NDUFA10: variants seen among roughly 807,000 people sequenced by gnomAD.
The protein encoded by NDUFA10 is NADH dehydrogenase [ubiquinone] 1 alpha subcomplex subunit 10, mitochondrial.
In NDUFA10, 40 loss-of-function variants were observed where a neutral mutation model predicts 47.8. The observed-to-expected ratio is 0.84, with a 90% CI of 0.65 to 1.09. NDUFA10 has a LOEUF of 1.09. Among genes scored for constraint, NDUFA10 ranks in the 50% least tolerant of loss-of-function variants. The pLI is 0.00. For missense variants in NDUFA10, 413 were observed against 451.1 expected (o/e 0.92, Z 0.76); for synonymous variants, 183 against 172.2 (o/e 1.06, Z -0.49).
chr2:239,990,597 C>A (rs972981969), intron 8 of NDUFA10, among the ~76,000 whole-genome samples: 3 of 152,194 alleles, frequency 2.0e-5, no homozygotes, highest in African/African-American at 7.2e-5. Context: ...ATGAGTGGAT[C>A]TTGGGGCAGG....
intron 9 of NDUFA10, chr2:239,982,183 T>A: frequency 6.2e-7 from 1 of 1,612,888 alleles, no homozygotes; most frequent in Non-Finnish European, 8.5e-7. Context: ...CCCTCTCTTG[T>A]ACTCTGCACA....
intron 9 of NDUFA10, among the ~76,000 whole-genome samples, chr2:239,979,047 G>A (rs571850338): frequency 6.6e-6 from 1 of 152,256 alleles, no homozygotes; most frequent in East Asian, 1.9e-4. Flanking sequence ...CAGACACAGG[G>A]TGGGCGAGCC....
At chr2:239,954,816 T>TGGCGCTGC (rs1559310883), downstream of NDUFA10, among the ~76,000 whole-genome samples, 4 of 150,736 alleles carry the variant, frequency 2.7e-5, no homozygotes, top group African/African-American at 7.4e-5. Flanking sequence ...CCCAAGTGGG[T>TGGCGCTGC]TGGCAGGTGA....
chr2:239,936,431 C>T (rs550911025), intron 4 of NDUFA10, among the ~76,000 whole-genome samples: 4 of 152,308 alleles, frequency 2.6e-5, no homozygotes, highest in South Asian at 2.1e-4. Context: ...GACACTGAAA[C>T]GGTGGATACG....
chr2:239,921,805 C>T (rs192473705), intron 4 of NDUFA10, among the ~76,000 whole-genome samples: 67 of 152,290 alleles, frequency 4.4e-4, no homozygotes, highest in African/African-American at 1.3e-3. Context: ...CCAGGCTCAG[C>T]CAGATCTGGG....
intron 9 of NDUFA10, among the ~76,000 whole-genome samples, chr2:239,971,912 T>C (rs1445809231): frequency 1.3e-5 from 2 of 152,206 alleles, no homozygotes; most frequent in Non-Finnish European, 2.9e-5. Flanking sequence ...AGCATATATA[T>C]AGTAAAGGTA....
chr2:239,916,437 C>T (rs1190306223), intron 4 of NDUFA10, among the ~76,000 whole-genome samples: 1 of 152,040 alleles, frequency 6.6e-6, no homozygotes, highest in Non-Finnish European at 1.5e-5. Context: ...GACACAGACA[C>T]AGCCAGACAC....
intron 4 of NDUFA10, among the ~76,000 whole-genome samples, chr2:239,902,433 G>T (rs1693569830): frequency 6.6e-6 from 1 of 152,158 alleles, no homozygotes; most frequent in Non-Finnish European, 1.5e-5. Flanking sequence ...TTAAGGTGAG[G>T]TATGCACATT....
chr2:239,979,589 C>A (rs1695687784), intron 9 of NDUFA10, among the ~76,000 whole-genome samples: 1 of 122,672 alleles, frequency 8.2e-6, no homozygotes, highest in South Asian at 2.5e-4. Context: ...TGGGGGCTCT[C>A]GGGAAAAGAG....
intron 4 of NDUFA10, among the ~76,000 whole-genome samples, chr2:239,942,028 C>A (rs1694368122): frequency 1.3e-5 from 2 of 152,238 alleles, no homozygotes. Flanking sequence ...CAAATGGATT[C>A]TGCATATTGA....
At position 239,976,338 on chromosome 2, in the gene NDUFA10, T is replaced by C. The variant is rs115312480; in HGVS notation, c.999+13736A>G. 1.6e-3 allele frequency among the ~76,000 whole-genome samples: 244 copies of C among 152,308 alleles called. 1 individual carries two copies. Among genetic ancestry groups the C allele is most frequent in the African/African-American group, 5.7e-3 (235 of 41,554 alleles). ...CACTCGCCACCCTCCCCACCTGTTC[T>C]GTCTCCTTTCCCTTCACATCATGGC... On this transcript the variant is annotated intron_variant, in intron 9 of 9. Coordinates refer to ENST00000252711, the MANE Select transcript of NDUFA10 (RefSeq NM_004544.4).
At chr2:239,915,697 AT>A (rs1358297379) in intron 4 of NDUFA10, among the ~76,000 whole-genome samples, 1 of 151,854 alleles carries the variant, frequency 6.6e-6, no homozygotes, top group Non-Finnish European at 1.5e-5. Context: ...GAACACACAC[AT>A]ACATACACAG....
chr2:240,011,742 TTC>T (rs781094522), intron 5 of NDUFA10, 46 bp from the exon 6 acceptor site: 2 of 1,493,518 alleles, frequency 1.3e-6, no homozygotes, highest in South Asian at 2.3e-5. Flanking sequence ...TTAGAGTTCA[TTC>T]TCTTTGACCT....
At position 239,959,761 on chromosome 2, in the gene NDUFA10, C is replaced by T; in HGVS notation, c.*1357G>A. On this transcript the variant is annotated 3_prime_UTR_variant, in exon 10 of 10. Transcript: ENST00000252711. ...GAAGAGAAGGAGGGAAGGAAAGAGG[C>T]AGGGAGGAAGGGAAGGGAGGAAAAC... is the stretch of plus-strand genomic sequence containing the variant. The T allele has an allele frequency of 1.4e-6, 1 of 721,958 alleles. No individual in the cohort carries two copies. Among genetic ancestry groups the T allele is most frequent in the Non-Finnish European group, 1.7e-6 (1 of 595,856 alleles). 44.7% of individuals were successfully genotyped at this position (721,958 alleles called of 1,614,324 possible).
chr2:240,021,143 T>A, intron 3 of NDUFA10, 54 bp downstream of exon 3: 1 of 1,498,680 alleles, frequency 6.7e-7, no homozygotes, highest in Non-Finnish European at 9.3e-7. Context: ...CGTGGTTGAA[T>A]TCTAGAATAG....
At chr2:239,920,554 C>T (rs944796006) in intron 4 of NDUFA10, among the ~76,000 whole-genome samples, 11 of 152,206 alleles carry the variant, frequency 7.2e-5, no homozygotes, top group Non-Finnish European at 1.6e-4. Flanking sequence ...AAATTGAGAA[C>T]GGGAGTCCTT....
At chr2:239,903,485 T>A (rs754834896) in intron 4 of NDUFA10, among the ~76,000 whole-genome samples, 16 of 152,188 alleles carry the variant, frequency 1.1e-4, no homozygotes, top group Non-Finnish European at 1.8e-4. Context: ...CAGCTCCTGA[T>A]GCTTCTGGAG....
intron 8 of NDUFA10, among the ~76,000 whole-genome samples, chr2:239,996,440 T>C (rs560225948): frequency 2.0e-5 from 3 of 152,324 alleles, no homozygotes; most frequent in East Asian, 1.9e-4. Flanking sequence ...CTAAATAACA[T>C]GTGGGTCAAA....
intron 8 of NDUFA10, among the ~76,000 whole-genome samples, chr2:239,997,842 G>A (rs1388029830): frequency 1.3e-5 from 2 of 152,126 alleles, no homozygotes; most frequent in Non-Finnish European, 2.9e-5. Flanking sequence ...CTTTAAAAAC[G>A]TTAAGGATCA....
Sources: gnomAD v4.1 joint callset for allele counts (sites outside exome capture counted in the v4.1 genomes callset) on GRCh38, gnomAD v4.1.1 for gene constraint, MANE v1.5 for transcripts, NCBI Gene and HGNC (gene_info 2026-07-23, HGNC 2026-07-21) for gene names.